The following MICAL3 variants were observed in gnomAD, a reference collection of about 807,000 sequenced individuals.
MICAL3 encodes [F-actin]-monooxygenase MICAL3.
In MICAL3, 62 loss-of-function variants were observed where a neutral mutation model predicts 207.4. The ratio of observed to expected loss-of-function variants is 0.30; its 90% confidence interval spans 0.24 to 0.37. The LOEUF is 0.37. Ranked by LOEUF, MICAL3 falls within the 10% of genes least tolerant of loss-of-function variation. MICAL3 has a pLI of 1.00. For synonymous variants in MICAL3, 1,077 were observed against 1,069.3 expected (o/e 1.01, Z -0.14); for missense variants, 2,368 against 2,635.6 (o/e 0.90, Z 2.22).
At chr22:17,976,301 C>T (rs1248777459) in intron 1 of MICAL3, among the ~76,000 whole-genome samples, 2 of 151,934 alleles carry the variant, frequency 1.3e-5, no homozygotes, top group African/African-American at 4.8e-5. Context: ...GTAAATAAAG[C>T]TGAAAATCTC....
intron 1 of MICAL3, among the ~76,000 whole-genome samples, chr22:17,914,279 G>A (rs961602630): frequency 6.6e-6 from 1 of 152,144 alleles, no homozygotes; most frequent in African/African-American, 2.4e-5. Context: ...GGTGGAGGGG[G>A]GTGCTAAAGG....
chr22:17,869,073 C>T (rs922088577), intron 17 of MICAL3, among the ~76,000 whole-genome samples: 1 of 152,156 alleles, frequency 6.6e-6, no homozygotes, highest in East Asian at 1.9e-4. Flanking sequence ...GGAGAGGACA[C>T]AGCAGAGCCA....
chr22:17,992,209 G>GA, intron 1 of MICAL3, among the ~76,000 whole-genome samples: 2 of 152,318 alleles, frequency 1.3e-5, no homozygotes, highest in Middle Eastern at 6.8e-3. Flanking sequence ...GCAGGCAAGG[G>GA]AAATGGTCCC....
At chr22:17,977,708 G>A (rs1240760755) in intron 1 of MICAL3, among the ~76,000 whole-genome samples, 1 of 152,094 alleles carries the variant, frequency 6.6e-6, no homozygotes, top group African/African-American at 2.4e-5. Flanking sequence ...TTCACTCTTA[G>A]GTATATACTC....
intron 2 of MICAL3, among the ~76,000 whole-genome samples, chr22:17,905,988 T>C (rs77724963): frequency 0.011 from 1,669 of 152,292 alleles, 31 homozygotes; most frequent in African/African-American, 0.038. Flanking sequence ...TCGCAAACAG[T>C]ATACCTTACC....
At chr22:17,937,755 AC>A (rs1187850843) in intron 1 of MICAL3, among the ~76,000 whole-genome samples, 1 of 152,204 alleles carries the variant, frequency 6.6e-6, no homozygotes, top group African/African-American at 2.4e-5. Flanking sequence ...CTATCATGAC[AC>A]CTGGAAAGTT....
intron 16 of MICAL3, among the ~76,000 whole-genome samples, chr22:17,881,554 GC>G (rs35348568): frequency 0.18 from 27,537 of 152,132 alleles, 2,875 homozygotes; most frequent in African/African-American, 0.28. Context: ...CTTTCCAGGT[GC>G]CAGGGAGCAA....
intron 29 of MICAL3, among the ~76,000 whole-genome samples, chr22:17,794,236 G>C (rs1273681433): frequency 6.6e-6 from 1 of 152,252 alleles, no homozygotes; most frequent in African/African-American, 2.4e-5. Context: ...GGCCTTTGGG[G>C]CCTTGGGCCC....
At chr22:17,847,031 G>A (rs551552488) in intron 19 of MICAL3, among the ~76,000 whole-genome samples, 1 of 152,298 alleles carries the variant, frequency 6.6e-6, no homozygotes, top group African/African-American at 2.4e-5. Flanking sequence ...GAGCTGGCAG[G>A]GGGCTTTATT....
At chr22:17,876,959 G>GAA (rs1928580723) in intron 16 of MICAL3, 2 of 115,992 alleles carry the variant, frequency 1.7e-5, no homozygotes, top group Non-Finnish European at 3.5e-5. Context: ...AGGTTATGGA[G>GAA]GTTAGGGAGG....
chr22:17,877,911 G>A (rs1189582483), intron 16 of MICAL3, among the ~76,000 whole-genome samples: 4 of 151,808 alleles, frequency 2.6e-5, no homozygotes, highest in Non-Finnish European at 5.9e-5. Flanking sequence ...GGAGTGCAGT[G>A]GCGCGATCTT....
At chr22:17,816,816 C>T (rs897809032) in intron 26 of MICAL3, 32 bp from the exon 27 acceptor site, 47 of 1,487,690 alleles carry the variant, frequency 3.2e-5, no homozygotes, top group African/African-American at 1.9e-4. Flanking sequence ...GTGAGGACAG[C>T]GCCAGACAGC....
rs1426066880 is a variant in MICAL3 at position 17,793,102 on chromosome 22, GC to G, written c.5651-1802del. ...ACTAGCTATGGAGAGCTCGCCCACGGCCGCCAGGCAGGGGCTGTGGTGTGTG... is the reference window on the plus strand; with the variant it reads ...ACTAGCTATGGAGAGCTCGCCCACGGCGCCAGGCAGGGGCTGTGGTGTGTG... On this transcript the variant is annotated intron_variant, in intron 29 of 31. Transcript: ENST00000441493. This position sits in a 1 kb window ranked among gnomAD's most constrained non-coding sequence, Gnocchi z 4.1. Among the ~76,000 whole-genome samples, 2 of 152,222 alleles carry G rather than the reference GC, an allele frequency of 1.3e-5. No homozygotes were observed. Among genetic ancestry groups the G allele is most frequent in the Admixed American group, 1.3e-4 (2 of 15,286 alleles).
chr22:17,788,657 A>G lies in MICAL3; in HGVS notation c.*2075T>C, dbSNP rs528403569. 6.6e-6 allele frequency: 1 copy of G among 152,386 alleles called. No individual in the cohort carries two copies. The highest frequency in any genetic ancestry group is 2.4e-5 in the African/African-American group (1 of 41,580). 9.4% of individuals were successfully genotyped at this position (152,386 alleles called of 1,614,324 possible). ...TTTTAAGTAAAGAGAAAAGAAAAGGAGACCTTTGCCTCACGTGAGAACAGG... is the reference window on the plus strand; with the variant it reads ...TTTTAAGTAAAGAGAAAAGAAAAGGGGACCTTTGCCTCACGTGAGAACAGG... On this transcript the variant is annotated 3_prime_UTR_variant, in exon 32 of 32. Coordinates refer to ENST00000441493, the MANE Select transcript of MICAL3 (RefSeq NM_015241.3).
In MICAL3 at chr22:17,817,548, G is replaced by A; in HGVS notation, c.5113C>T (p.Pro1705Ser). 6.2e-7 allele frequency: 1 copy of A among 1,613,480 alleles called. No individual in the cohort carries two copies. The highest frequency in any genetic ancestry group is 8.5e-7 in the Non-Finnish European group (1 of 1,179,816). ...KSKKRSSLFS[P>S]RRNKKEKKSK... The stretch of plus-strand genomic sequence containing the variant: ...TTCTTCTCCTTCTTGTTTCTGCGGG[G>A]GGAGAAGAGTGACGACCTCTTCTTG... The change falls in exon 26 of 32, where the codon CCC (proline) becomes TCC (serine). Residue 1705 changes from proline (P) to serine (S), a missense_variant. Pro to Ser is a moderately conservative substitution (Grantham distance 74). Coordinates refer to ENST00000441493, the MANE Select transcript of MICAL3 (RefSeq NM_015241.3).
At position 17,810,180 on chromosome 22, in the gene MICAL3, A is replaced by C. The variant is rs1017015347; in HGVS notation, c.5556+523T>G. 2.7e-5 allele frequency among the ~76,000 whole-genome samples: 4 copies of C among 149,540 alleles called. No individual in the cohort carries two copies. In the Admixed American group the frequency reaches 2.7e-4, roughly 10 times the overall value. On this transcript the variant is annotated intron_variant, in intron 28 of 31. Transcript: ENST00000441493. ...TGGGTTCATGCCATTCTCCTGCCTC[A>C]GCCACCCGAGTAGCTGGGACTACAG... is the stretch of plus-strand genomic sequence containing the variant.
intron 1 of MICAL3, among the ~76,000 whole-genome samples, chr22:17,944,051 A>C (rs1037200026): frequency 2.0e-5 from 3 of 152,154 alleles, no homozygotes; most frequent in Admixed American, 6.5e-5. Flanking sequence ...CCATCTGCCC[A>C]GTGCTCCCCG....
rs1320123997 is a variant in MICAL3, at chr22:17,859,094, G to A, written c.2605+5805C>T. Among the ~76,000 whole-genome samples the A allele has an allele frequency of 2.6e-5, 4 of 152,122 alleles. No individual in the cohort carries two copies. In the South Asian group the frequency reaches 6.2e-4, roughly 24 times the overall value. ...GGGAGGAAGGACATGAGCAGGCCAG[G>A]AGACACCGCCCAGACTCTCAGAACC... On this transcript the variant is annotated intron_variant, in intron 19 of 31. Transcript: ENST00000441493.
At position 17,801,148 on chromosome 22, in the gene MICAL3, C is replaced by CTTTTTTTT. The variant is rs978301664; in HGVS notation, c.5650+7688_5650+7695dup. 1.2e-4 allele frequency among the ~76,000 whole-genome samples: 11 copies of CTTTTTTTT among 91,922 alleles called. 1 individual carries two copies. The highest frequency in any genetic ancestry group is 2.2e-4 in the Non-Finnish European group (11 of 50,610). 60.3% of individuals were successfully genotyped at this position (91,922 alleles called of 152,430 possible). A position where few individuals can be genotyped will look rare whatever the true frequency, so the allele number is the denominator to read the frequency against. The stretch of plus-strand genomic sequence containing the variant: ...ACAAGGCATCCTGAGTTTCCTTTTT[C>CTTTTTTTT]TTTTTTTTTTTTTTTTTTTTTTGAG... On this transcript the variant is annotated intron_variant, in intron 29 of 31. Transcript: ENST00000441493.
Sources: gnomAD v4.1 joint callset for allele counts (sites outside exome capture counted in the v4.1 genomes callset) on GRCh38, gnomAD v4.1.1 for gene constraint, Gnocchi (gnomAD v3.1) non-coding constraint, MANE v1.5 for transcripts, NCBI Gene and HGNC (gene_info 2026-07-23, HGNC 2026-07-21) for gene names.